The following CERCAM variants were observed in gnomAD, a reference collection of about 807,000 sequenced individuals.
The protein encoded by CERCAM is cerebral endothelial cell adhesion molecule.
Under a neutral mutation model 66.0 loss-of-function variants are expected in CERCAM, and 59 were observed. The observed-to-expected ratio is 0.89, with a 90% CI of 0.73 to 1.11. CERCAM has a LOEUF of 1.11. Ranked by LOEUF, CERCAM falls within the 50% of genes most tolerant of loss-of-function variation. The pLI is 0.00. For synonymous variants in CERCAM, 318 were observed against 343.6 expected (o/e 0.93, Z 0.83); for missense variants, 840 against 828.3 (o/e 1.01, Z -0.17).
intron 5 of CERCAM, among the ~76,000 whole-genome samples, chr9:128,427,068 A>C (rs1833862067): frequency 6.6e-6 from 1 of 152,182 alleles, no homozygotes; most frequent in African/African-American, 2.4e-5. Context: ...GCTCTGGGCC[A>C]GGCTCTGTGC....
intron 5 of CERCAM, 40 bp from the exon 6 acceptor site, chr9:128,428,262 C>T: frequency 6.2e-7 from 1 of 1,605,822 alleles, no homozygotes; most frequent in Non-Finnish European, 8.5e-7. Context: ...TCTGAGAGCC[C>T]CACCCTCCAC....
At chr9:128,429,606 AT>A (rs57202209) in intron 8 of CERCAM, among the ~76,000 whole-genome samples, 5,420 of 147,512 alleles carry the variant, frequency 0.037, 234 homozygotes, top group African/African-American at 0.11. Context: ...AGCTCTTTTT[AT>A]TTTTTTTTTA....
chr9:128,433,278 CAAAAAAAAA>C (rs758064235), intron 9 of CERCAM, among the ~76,000 whole-genome samples: 5 of 70,628 alleles, frequency 7.1e-5, no homozygotes, highest in South Asian at 4.6e-4. Context: ...AACTCCGTCT[CAAAAAAAAA>C]AAAAAAAAAA....
At position 128,429,013 on chromosome 9, in the gene CERCAM, G is replaced by A. The variant is rs376876898; in HGVS notation, c.1047G>A (p.Arg349=). Residue 349 remains arginine (R), a synonymous_variant, in exon 8 of 13, where the codon AGG becomes AGA. Transcript: ENST00000372838. Reference sequence around the variant, plus strand: ...TCTGGGAGATGGAGATCTCTGGGAGGGTGGTGGACGCTGTGGATGGCTGGT... The same window carrying A: ...TCTGGGAGATGGAGATCTCTGGGAGAGTGGTGGACGCTGTGGATGGCTGGT... ...ASLWEMEISG[R]VVDAVDGWML... 1.2e-6 allele frequency: 2 copies of A among 1,609,352 alleles called. No homozygotes were observed. The highest frequency in any genetic ancestry group is 1.3e-5 in the African/African-American group (1 of 74,904).
chr9:128,432,213 A>G (rs902620380), intron 9 of CERCAM, among the ~76,000 whole-genome samples: 6 of 151,862 alleles, frequency 4.0e-5, no homozygotes, highest in Non-Finnish European at 8.8e-5. Context: ...TTTAGTAGAC[A>G]GGGGGTTTCG....
intron 9 of CERCAM, 114 bp from the exon 10 acceptor site, chr9:128,433,988 C>G: frequency 1.4e-6 from 2 of 1,426,112 alleles, no homozygotes; most frequent in South Asian, 2.7e-5. Flanking sequence ...TTTGGGGCAA[C>G]TGCATGATGT....
At chr9:128,419,836 C>T (rs1833667090), upstream of CERCAM, 1 of 152,176 alleles carries the variant, frequency 6.6e-6, no homozygotes, top group African/African-American at 2.4e-5. Context: ...TAGTTCTACA[C>T]TCAGACCAAG....
At position 128,424,430 on chromosome 9, in the gene CERCAM, C is replaced by G; in HGVS notation, c.582C>G (p.Ala194=). 6.2e-7 allele frequency: 1 copy of G among 1,614,056 alleles called. No homozygotes were observed. The change falls in exon 5 of 13, where the codon GCC becomes GCG. Residue 194 remains alanine (A), a synonymous_variant. Transcript: ENST00000372838. ...CCCAGGGCTACTACCGCCGCACAGC[C>G]GAGTACTTCCCCACCAAGAACCGCC... The part of the protein sequence containing the change: ...ITPQGYYRRT[A]EYFPTKNRQR...
intron 4 of CERCAM, 69 bp downstream of exon 4, chr9:128,424,341 T>C: frequency 6.2e-7 from 1 of 1,612,090 alleles, no homozygotes; most frequent in African/African-American, 1.3e-5. Context: ...GCAGAGAGCC[T>C]GAGGCCTTGG....
chr9:128,424,100 C>G, intron 3 of CERCAM, 38 bp from the exon 4 acceptor site: 1 of 1,602,164 alleles, frequency 6.2e-7, no homozygotes. Flanking sequence ...GGCTGCAGCC[C>G]AGGCAGGGCT....
chr9:128,421,050 A>T lies in CERCAM; in HGVS notation c.173A>T (p.Tyr58Phe). ...CTGGGCGCTCTGGAGCGGCTGGACT[A>T]CCCCCGGGCCAGGATGGCCCTCTGG... Reference protein sequence around the residue: ...HYLGALERLDYPRARMALWCA... With the variant: ...HYLGALERLDFPRARMALWCA... The change falls in exon 1 of 13, where the codon TAC (tyrosine) becomes TTC (phenylalanine). Residue 58 changes from tyrosine to phenylalanine, a missense_variant. Coordinates refer to ENST00000372838, the MANE Select transcript of CERCAM (RefSeq NM_016174.5). The T allele has an allele frequency of 7.3e-7, 1 of 1,377,618 alleles. No homozygotes were observed. Among genetic ancestry groups the T allele is most frequent in the African/African-American group, 1.5e-5 (1 of 66,094 alleles). The allele number at this position is 1,377,618 out of a possible 1,614,324, so 85.3% of individuals were successfully genotyped here.
chr9:128,425,874 T>G (rs1588618919), intron 5 of CERCAM, among the ~76,000 whole-genome samples: 1 of 138,584 alleles, frequency 7.2e-6, no homozygotes, highest in South Asian at 2.3e-4. Context: ...CAGGCTAGAG[T>G]GCAGTGGCAC....
Position 128,429,014 on chromosome 9 carries a change from GT to G in CERCAM, c.1049del (p.Val350GlyfsTer20), listed in dbSNP as rs1256728339. ...CTGGGAGATGGAGATCTCTGGGAGG[GT>G]GGTGGACGCTGTGGATGGCTGGTGA... ...SLWEMEISGRVVDAVDGWMLN... is the reference protein window; with the variant it reads ...SLWEMEISGRXVDAVDGWMLN... On this transcript the variant is annotated frameshift_variant, in exon 8 of 13. Coordinates refer to ENST00000372838, the MANE Select transcript of CERCAM (RefSeq NM_016174.5). LOFTEE classifies it high-confidence loss of function. 1 of 1,609,614 alleles carries G rather than the reference GT, an allele frequency of 6.2e-7. No homozygotes were observed. Among genetic ancestry groups the G allele is most frequent in the Non-Finnish European group, 8.5e-7 (1 of 1,178,538 alleles).
intron 9 of CERCAM, chr9:128,431,594 C>T: frequency 2.9e-6 from 1 of 343,106 alleles, no homozygotes; most frequent in East Asian, 6.0e-5. Flanking sequence ...AAGGGATCCC[C>T]CTGGGGCTCA....
chr9:128,434,461 G>T lies in CERCAM; in HGVS notation c.1383G>T (p.Gly461=). Reference sequence around the variant, plus strand: ...CTGAGAAGGAGACGGCCGTGGAGGGGCTGCCGGGCCTGGTGGTGGCTGGGT... The same window carrying T: ...CTGAGAAGGAGACGGCCGTGGAGGGTCTGCCGGGCCTGGTGGTGGCTGGGT... ...VNPEKETAVE[G]LPGLVVAGYS... Residue 461 remains glycine (G), a synonymous_variant, in exon 11 of 13, where the codon GGG becomes GGT. Coordinates refer to ENST00000372838, the MANE Select transcript of CERCAM (RefSeq NM_016174.5). This position sits in a 1 kb window ranked among gnomAD's most constrained non-coding sequence, Gnocchi z 4.5. The T allele has an allele frequency of 6.2e-7, 1 of 1,613,992 alleles. No individual in the cohort carries two copies. The highest frequency in any genetic ancestry group is 8.5e-7 in the Non-Finnish European group (1 of 1,180,020).
chr9:128,435,740 G>C lies in CERCAM; in HGVS notation c.1623G>C (p.Gly541=). ...PLLAAPTHYA[G]DAEWLSDTET... is the part of the protein sequence containing the mutation. ...TCGCTGCCCCTACCCACTATGCCGG[G>C]GACGCCGAGTGGCTCAGTGACACGG... The change falls in exon 12 of 13, where the codon GGG becomes GGC. Residue 541 remains glycine (G), a synonymous_variant. Coordinates refer to ENST00000372838, the MANE Select transcript of CERCAM (RefSeq NM_016174.5). 2 of 1,613,588 alleles carry C rather than the reference G, an allele frequency of 1.2e-6. No homozygotes were observed. The highest frequency in any genetic ancestry group is 8.5e-7 in the Non-Finnish European group (1 of 1,179,930).
At chr9:128,428,880 C>T (rs1268521744) in intron 7 of CERCAM, 47 bp downstream of exon 7, 1 of 1,609,382 alleles carries the variant, frequency 6.2e-7, no homozygotes, top group Non-Finnish European at 8.5e-7. Context: ...TGGATGGGCC[C>T]TCCTCTTCCG....
intron 9 of CERCAM, among the ~76,000 whole-genome samples, chr9:128,433,875 T>A (rs914107827): frequency 2.6e-5 from 4 of 152,206 alleles, no homozygotes; most frequent in Non-Finnish European, 4.4e-5. Context: ...ACTCAGGGAA[T>A]GTAGCAAGGG....
chr9:128,420,945 C>G lies in CERCAM; in HGVS notation c.68C>G (p.Ala23Gly). 2 of 1,457,486 alleles carry G rather than the reference C, an allele frequency of 1.4e-6. No homozygotes were observed. Among genetic ancestry groups the G allele is most frequent in the Non-Finnish European group, 1.8e-6 (2 of 1,107,118 alleles). The allele number at this position is 1,457,486 out of a possible 1,614,324, so 90.3% of individuals were successfully genotyped here. A position where few individuals can be genotyped will look rare whatever the true frequency, so the allele number is the denominator to read the frequency against. The change falls in exon 1 of 13, where the codon GCG (alanine) becomes GGG (glycine). Residue 23 changes from alanine (A) to glycine (G), a missense_variant. Ala to Gly is a moderately conservative substitution (Grantham distance 60). Coordinates refer to ENST00000372838, the MANE Select transcript of CERCAM (RefSeq NM_016174.5). The surrounding 1 kb of genome is among the most constrained non-coding windows in gnomAD (Gnocchi z 5.0). ...LLLLGPWLEAAGVAESPLPAV... is the reference protein window; with the variant it reads ...LLLLGPWLEAGGVAESPLPAV... The stretch of plus-strand genomic sequence containing the variant: ...CTGCTGGGGCCGTGGCTGGAGGCTG[C>G]GGGCGTTGCGGAGTCGCCGCTGCCC...
Sources: allele counts gnomAD v4.1 joint callset (sites outside exome capture counted in the v4.1 genomes callset), GRCh38; gene constraint gnomAD v4.1.1; non-coding constraint Gnocchi (gnomAD v3.1); transcripts MANE v1.5; gene names NCBI Gene and HGNC (gene_info 2026-07-23, HGNC 2026-07-21).